BIRC6: variants seen among roughly 807,000 people sequenced by gnomAD.
BIRC6 encodes baculoviral IAP repeat containing 6, also known as dual E2 ubiquitin-conjugating enzyme/E3 ubiquitin-protein ligase BIRC6.
A neutral mutation model predicts 503.3 loss-of-function variants in BIRC6; 98 were observed. That is an observed-to-expected ratio of 0.19 (90% confidence interval 0.17 to 0.23). The LOEUF is 0.23. Ranked by LOEUF, BIRC6 falls within the 10% of genes least tolerant of loss-of-function variation. The pLI, the probability that BIRC6 is intolerant of heterozygous loss-of-function variation, is 1.00. For missense variants in BIRC6, 5,360 were observed against 5,806.0 expected (o/e 0.92, Z 2.50); for synonymous variants, 2,240 against 2,078.7 (o/e 1.08, Z -2.11).
At chr2:32,381,571 A>T (rs1242811932) in intron 3 of BIRC6, among the ~76,000 whole-genome samples, 2 of 138,532 alleles carry the variant, frequency 1.4e-5, no homozygotes, top group Non-Finnish European at 3.1e-5. Context: ...TTCGAGACAG[A>T]GTCTCACTCT....
intron 10 of BIRC6, among the ~76,000 whole-genome samples, chr2:32,416,760 T>G (rs1040713778): frequency 6.6e-5 from 10 of 151,338 alleles, no homozygotes; most frequent in African/African-American, 2.5e-4. Context: ...TTTTTTCTCC[T>G]TTCTTTTCCT....
At chr2:32,527,356 T>G (rs549398866) in intron 59 of BIRC6, 1 of 152,344 alleles carries the variant, frequency 6.6e-6, no homozygotes, top group Non-Finnish European at 1.5e-5. Context: ...AAAACTAATG[T>G]TTATGCCATG....
chr2:32,529,091 T>A (rs924624167), intron 59 of BIRC6: 14 of 152,236 alleles, frequency 9.2e-5, no homozygotes, highest in Admixed American at 3.3e-4. Flanking sequence ...TTTTTCTTCT[T>A]AGCTTTACAT....
intron 9 of BIRC6, 69 bp downstream of exon 9, chr2:32,406,626 A>C: frequency 1.9e-6 from 2 of 1,055,688 alleles, no homozygotes; most frequent in South Asian, 2.9e-5. Context: ...GCTAACTACC[A>C]CTTAATTCTG....
chr2:32,515,447 A>T lies in BIRC6; in HGVS notation c.11026A>T (p.Met3676Leu). The change falls in exon 55 of 74, where the codon ATG becomes TTG. Residue 3676 changes from methionine to leucine, a missense_variant. This residue lies in a region of BIRC6 where 878 missense variants were observed against 928.9 expected (regional missense o/e 0.95). Transcript: ENST00000421745. ...TCATGTCCCACAACAATGTAATAAG[A>T]TGCCTATCACAGCCGACCTAGTTGC... Reference protein sequence around the residue: ...RHHVPQQCNKMPITADLVAPI... With the variant: ...RHHVPQQCNKLPITADLVAPI... 1.2e-6 allele frequency: 2 copies of T among 1,613,264 alleles called. No individual in the cohort carries two copies. The highest frequency in any genetic ancestry group is 1.1e-5 in the South Asian group (1 of 91,074).
Position 32,468,461 on chromosome 2 carries a change from G to A in BIRC6, c.5805G>A (p.Leu1935=). The A allele has an allele frequency of 6.3e-7, 1 of 1,587,138 alleles. No homozygotes were observed. Among genetic ancestry groups the A allele is most frequent in the South Asian group, 1.1e-5 (1 of 88,234 alleles). ...GGTATAACTTGGCTTGTCATCGTCTGGAAACCCTTTTGCAAAGTATTGATC... is the reference window on the plus strand; with the variant it reads ...GGTATAACTTGGCTTGTCATCGTCTAGAAACCCTTTTGCAAAGTATTGATC... The part of the protein sequence containing the change: ...QCRYNLACHR[L]ETLLQSIDLP... Residue 1935 remains leucine (L), a synonymous_variant, in exon 29 of 74, where the codon CTG becomes CTA. Transcript: ENST00000421745.
chr2:32,416,088 G>T lies in BIRC6; in HGVS notation c.2797G>T (p.Gly933Cys). Reference protein sequence around the residue: ...LAKVEPPKKEGTEEQDTFVSV... With the variant: ...LAKVEPPKKECTEEQDTFVSV... ...CAAAGTGGAGCCTCCCAAAAAGGAG[G>T]GCACTGAGGAACAGGACACATTTGT... is the stretch of plus-strand genomic sequence containing the variant. The change falls in exon 10 of 74, where the codon GGC (glycine) becomes TGC (cysteine). Residue 933 changes from glycine to cysteine, a missense_variant. By Grantham distance (159) the Gly-to-Cys change is radical (BLOSUM62 -3). This residue lies in a region of BIRC6 where 700 missense variants were observed against 739.3 expected (regional missense o/e 0.95). Transcript: ENST00000421745. 6.2e-7 allele frequency: 1 copy of T among 1,613,816 alleles called. No individual in the cohort carries two copies. The highest frequency in any genetic ancestry group is 8.5e-7 in the Non-Finnish European group (1 of 1,179,870).
intron 57 of BIRC6, among the ~76,000 whole-genome samples, chr2:32,519,581 T>C (rs753698196): frequency 6.6e-6 from 1 of 152,142 alleles, no homozygotes; most frequent in Non-Finnish European, 1.5e-5. Flanking sequence ...AGTGGAACGA[T>C]CTTGGCTCAC....
At chr2:32,565,663 A>G (rs2059487481) in intron 65 of BIRC6, 1 of 152,230 alleles carries the variant, frequency 6.6e-6, no homozygotes, top group South Asian at 2.1e-4. Flanking sequence ...TCACACTGCT[A>G]TAAAGAACTG....
chr2:32,504,299 A>G (rs2053557868), intron 49 of BIRC6, among the ~76,000 whole-genome samples: 1 of 152,076 alleles, frequency 6.6e-6, no homozygotes, highest in Non-Finnish European at 1.5e-5. Context: ...ATATTTCTAA[A>G]TCATAGACAT....
intron 4 of BIRC6, among the ~76,000 whole-genome samples, chr2:32,391,414 T>C (rs2039213394): frequency 6.6e-6 from 1 of 152,208 alleles, no homozygotes; most frequent in Admixed American, 6.5e-5. Flanking sequence ...TCTTCTGTTC[T>C]AAGACTGATC....
At chr2:32,444,597 C>G (rs984103497) in intron 20 of BIRC6, among the ~76,000 whole-genome samples, 1 of 152,038 alleles carries the variant, frequency 6.6e-6, no homozygotes, top group Non-Finnish European at 1.5e-5. Context: ...AAAAAACAAA[C>G]CATTCAGGCT....
chr2:32,465,058 G>A lies in BIRC6; in HGVS notation c.5257-7G>A, dbSNP rs769005689. The A allele has an allele frequency of 6.6e-7, 1 of 1,526,326 alleles. No homozygotes were observed. Among genetic ancestry groups the A allele is most frequent in the South Asian group, 1.2e-5 (1 of 81,042 alleles). 94.5% of individuals were successfully genotyped at this position (1,526,326 alleles called of 1,614,324 possible). On this transcript the variant is annotated splice_region_variant and splice_polypyrimidine_tract_variant and intron_variant, in intron 25 of 73. Coordinates refer to ENST00000421745, the MANE Select transcript of BIRC6 (RefSeq NM_016252.4). ...AAAGTTAGATTTTTTTTTTTTCCCTGCTCTAGAATCCACTTGGTTCTGGTC... is the reference window on the plus strand; with the variant it reads ...AAAGTTAGATTTTTTTTTTTTCCCTACTCTAGAATCCACTTGGTTCTGGTC...
intron 61 of BIRC6, among the ~76,000 whole-genome samples, chr2:32,538,971 G>C (rs1017365461): frequency 1.3e-5 from 2 of 152,166 alleles, no homozygotes; most frequent in African/African-American, 2.4e-5. Context: ...TACCCCATTT[G>C]AAAAGCAAAC....
chr2:32,613,919 T>G (rs2063062254), intron 73 of BIRC6, among the ~76,000 whole-genome samples: 1 of 152,180 alleles, frequency 6.6e-6, no homozygotes, highest in Non-Finnish European at 1.5e-5. Context: ...TTTCCTTCAT[T>G]GTGTCTGTAA....
intron 5 of BIRC6, 22 bp downstream of exon 5, chr2:32,392,172 A>T: frequency 6.7e-7 from 1 of 1,498,850 alleles, no homozygotes; most frequent in Non-Finnish European, 9.0e-7. Context: ...ATATAAAAAA[A>T]TACTTTTCTC....
Position 32,561,594 on chromosome 2 carries a change from C to T in BIRC6, c.13144+12113C>T, listed in dbSNP as rs143508933. Among the ~76,000 whole-genome samples the T allele has an allele frequency of 3.0e-3, 458 of 151,054 alleles. 2 individuals carry two copies. Among genetic ancestry groups the T allele is most frequent in the Middle Eastern group, 0.01 (3 of 288 alleles). ...ATTAATTATGAAATTTGAAATCGTT[C>T]GATTTCATTTTATTTTGATTTTTTT... On this transcript the variant is annotated intron_variant, in intron 65 of 73. Transcript: ENST00000421745.
intron 73 of BIRC6, among the ~76,000 whole-genome samples, chr2:32,613,235 G>T (rs770409513): frequency 3.3e-5 from 5 of 151,666 alleles, no homozygotes; most frequent in Non-Finnish European, 7.4e-5. Context: ...GTCTCTCTCT[G>T]CCACTCAGGC....
chr2:32,389,031 A>AT (rs1178905134), intron 4 of BIRC6, 88 bp downstream of exon 4: 4 of 915,202 alleles, frequency 4.4e-6, no homozygotes, highest in Non-Finnish European at 5.9e-6. Flanking sequence ...TCTGGTTATG[A>AT]TTTTTAAAAA....
Sources: gnomAD v4.1 joint callset for allele counts (sites outside exome capture counted in the v4.1 genomes callset) on GRCh38, gnomAD v4.1.1 for gene constraint, gnomAD v4.1.1 regional missense constraint, MANE v1.5 for transcripts, NCBI Gene and HGNC (gene_info 2026-07-23, HGNC 2026-07-21) for gene names.